The following SMARCB1 variants were observed in gnomAD, a reference collection of about 807,000 sequenced individuals.
SMARCB1 encodes the protein SWI/SNF related BAF chromatin remodeling complex subunit B1.
In SMARCB1, 5 loss-of-function variants were observed where a neutral mutation model predicts 49.0. That is an observed-to-expected ratio of 0.10 (90% confidence interval 0.05 to 0.21). The LOEUF is 0.21. Among genes scored for constraint, SMARCB1 ranks in the 10% least tolerant of loss-of-function variants. SMARCB1 has a pLI of 1.00. For missense variants in SMARCB1, 226 were observed against 509.2 expected (o/e 0.44, Z 5.35); for synonymous variants, 201 against 200.1 (o/e 1.00, Z -0.04).
At chr22:23,818,153 T>G (rs1170730321) in intron 6 of SMARCB1, 5 of 143,474 alleles carry the variant, frequency 3.5e-5, no homozygotes, top group Non-Finnish European at 6.1e-5. Flanking sequence ...TGTGTGTGTG[T>G]GTGTGTGTGT....
rs546610622 is a variant in SMARCB1, at chr22:23,835,082, C to T, written c.*902C>T. ...TGCTGTGGCCTGGGCCAGCTCCTGC[C>T]TTACAAGCCAGCTGTGAGGAATATG... On this transcript the variant is annotated 3_prime_UTR_variant, in exon 9 of 9. Coordinates refer to ENST00000644036, the MANE Select transcript of SMARCB1 (RefSeq NM_003073.5). 2.1e-4 allele frequency: 295 copies of T among 1,399,518 alleles called. 1 individual carries two copies. In the South Asian group the frequency reaches 3.1e-3, roughly 15 times the overall value. 86.7% of individuals were successfully genotyped at this position (1,399,518 alleles called of 1,614,324 possible).
chr22:23,810,417 A>G (rs1929794653), intron 5 of SMARCB1, among the ~76,000 whole-genome samples: 1 of 149,690 alleles, frequency 6.7e-6, no homozygotes, highest in Non-Finnish European at 1.5e-5. Flanking sequence ...AGTCCCAGCT[A>G]CTCAGGAGGC....
In SMARCB1 at chr22:23,787,104, C is replaced by T. The variant is rs1568933101; in HGVS notation, c.-66C>T. 9.5e-7 allele frequency: 1 copy of T among 1,054,554 alleles called. No individual in the cohort carries two copies. The highest frequency in any genetic ancestry group is 1.3e-5 in the South Asian group (1 of 78,192). 65.3% of individuals were successfully genotyped at this position (1,054,554 alleles called of 1,614,324 possible). On this transcript the variant is annotated 5_prime_UTR_variant, in exon 1 of 9. Transcript: ENST00000644036. ...TCGGTTTCCCTCGGCCCAGCACGCC[C>T]CGGCCCCGCCCCAGCCCTCCTGATC...
chr22:23,834,246 C>T lies in SMARCB1; in HGVS notation c.*66C>T, dbSNP rs2030848162. The T allele has an allele frequency of 1.3e-6, 2 of 1,506,406 alleles. No individual in the cohort carries two copies. Among genetic ancestry groups the T allele is most frequent in the Non-Finnish European group, 9.0e-7 (1 of 1,107,154 alleles). The allele number at this position is 1,506,406 out of a possible 1,614,324, so 93.3% of individuals were successfully genotyped here. A position where few individuals can be genotyped will look rare whatever the true frequency, so the allele number is the denominator to read the frequency against. ...GATTGGGCCGCCTCTCCTCCATCTTCTGGCAAGGACAGAGGCGAGGGGACA... is the reference window on the plus strand; with the variant it reads ...GATTGGGCCGCCTCTCCTCCATCTTTTGGCAAGGACAGAGGCGAGGGGACA... On this transcript the variant is annotated 3_prime_UTR_variant, in exon 9 of 9. Transcript: ENST00000644036.
At chr22:23,827,075 A>G (rs2030421603) in intron 7 of SMARCB1, among the ~76,000 whole-genome samples, 1 of 152,202 alleles carries the variant, frequency 6.6e-6, no homozygotes, top group Admixed American at 6.5e-5. Flanking sequence ...TCCCTCCACC[A>G]GAGTTGACTC....
At chr22:23,832,659 C>A (rs1266182205) in intron 7 of SMARCB1, among the ~76,000 whole-genome samples, 1 of 150,684 alleles carries the variant, frequency 6.6e-6, no homozygotes, top group Non-Finnish European at 1.5e-5. Flanking sequence ...AAGCTGCTCT[C>A]AGAGGTGGGG....
intron 7 of SMARCB1, 83 bp from the exon 8 acceptor site, chr22:23,833,489 C>A: frequency 6.3e-7 from 1 of 1,583,460 alleles, no homozygotes; most frequent in Non-Finnish European, 8.7e-7. Flanking sequence ...AGGAGCAGGG[C>A]ACAGACAGGG....
intron 1 of SMARCB1, among the ~76,000 whole-genome samples, chr22:23,789,408 A>G (rs1928231497): frequency 6.6e-6 from 1 of 152,214 alleles, no homozygotes; most frequent in African/African-American, 2.4e-5. Flanking sequence ...TTTGGCTCTA[A>G]GTAGGTGACA....
At chr22:23,798,314 A>G (rs1195028552) in intron 3 of SMARCB1, among the ~76,000 whole-genome samples, 1 of 152,222 alleles carries the variant, frequency 6.6e-6, no homozygotes, top group Non-Finnish European at 1.5e-5. Context: ...CTGTACTCTC[A>G]GCACTTTGGG....
At chr22:23,813,792 G>A (rs1930019262) in intron 5 of SMARCB1, among the ~76,000 whole-genome samples, 1 of 151,960 alleles carries the variant, frequency 6.6e-6, no homozygotes. Flanking sequence ...ATATGGAAAG[G>A]CAAAGAAACT....
chr22:23,834,889 T>TG lies in SMARCB1; in HGVS notation c.*711dup. The stretch of plus-strand genomic sequence containing the variant: ...CCGCCCTGGCTCTGCTGTGTCCAGA[T>TG]GGTCAGGCTACTGCCAGCTGGGGCC... On this transcript the variant is annotated 3_prime_UTR_variant, in exon 9 of 9. Coordinates refer to ENST00000644036, the MANE Select transcript of SMARCB1 (RefSeq NM_003073.5). The TG allele has an allele frequency of 6.2e-7, 1 of 1,612,348 alleles. No individual in the cohort carries two copies. Among genetic ancestry groups the TG allele is most frequent in the Non-Finnish European group, 8.5e-7 (1 of 1,179,748 alleles).
At chr22:23,807,519 G>T (rs1402442017) in intron 5 of SMARCB1, among the ~76,000 whole-genome samples, 3 of 151,840 alleles carry the variant, frequency 2.0e-5, no homozygotes, top group Admixed American at 6.6e-5. Context: ...AGGCTTCAGT[G>T]AGCCGTGATT....
In SMARCB1 at chr22:23,834,737, C is replaced by G; in HGVS notation, c.*557C>G. On this transcript the variant is annotated 3_prime_UTR_variant, in exon 9 of 9. Coordinates refer to ENST00000644036, the MANE Select transcript of SMARCB1 (RefSeq NM_003073.5). ...CCTCAGCCTGTTCTCCTTCCAGACC[C>G]AGAGAGCTGAGAAGAGTAGCTGTGA... 1 of 1,484,006 alleles carries G rather than the reference C, an allele frequency of 6.7e-7. No individual in the cohort carries two copies. Among genetic ancestry groups the G allele is most frequent in the Admixed American group, 2.2e-5 (1 of 45,736 alleles). 91.9% of individuals were successfully genotyped at this position (1,484,006 alleles called of 1,614,324 possible).
In SMARCB1 at chr22:23,821,317, G is replaced by A. The variant is rs143682210; in HGVS notation, c.796-3908G>A. Among the ~76,000 whole-genome samples the A allele has an allele frequency of 1.4e-3, 209 of 152,364 alleles. 2 individuals are homozygous for A. Among genetic ancestry groups the A allele is most frequent in the African/African-American group, 4.4e-3 (181 of 41,586 alleles). On this transcript the variant is annotated intron_variant, in intron 6 of 8. Coordinates refer to ENST00000644036, the MANE Select transcript of SMARCB1 (RefSeq NM_003073.5). ...TCAGGCCAGAGGCCTCCTGGGCACCGTGACCCTGGGAACAGTGTCCTGTCT... is the reference window on the plus strand; with the variant it reads ...TCAGGCCAGAGGCCTCCTGGGCACCATGACCCTGGGAACAGTGTCCTGTCT...
chr22:23,793,249 T>A (rs1052528873), intron 2 of SMARCB1: 10 of 439,388 alleles, frequency 2.3e-5, no homozygotes, highest in African/African-American at 1.4e-4. Flanking sequence ...GAGTCGAGTG[T>A]CCCCGCTGGT....
intron 6 of SMARCB1, among the ~76,000 whole-genome samples, chr22:23,819,010 G>A (rs574872201): frequency 7.2e-5 from 11 of 151,918 alleles, no homozygotes; most frequent in Non-Finnish European, 1.2e-4. Flanking sequence ...CACCACACCC[G>A]ACTGATTTTT....
At chr22:23,791,617 T>C in intron 1 of SMARCB1, 139 bp from the exon 2 acceptor site, 1 of 817,040 alleles carries the variant, frequency 1.2e-6, no homozygotes, top group East Asian at 2.4e-5. Context: ...CAGAATGTGT[T>C]TTAATGCTGC....
chr22:23,803,549 G>A (rs1929307841), intron 5 of SMARCB1, 127 bp downstream of exon 5: 4 of 1,041,958 alleles, frequency 3.8e-6, no homozygotes, highest in African/African-American at 1.6e-5. Flanking sequence ...TCGGGGCATA[G>A]TTTTGGAGGG....
In SMARCB1 at chr22:23,837,671, C is replaced by T. The variant is rs2031193701; in HGVS notation, c.*3491C>T. 6.2e-7 allele frequency: 1 copy of T among 1,613,042 alleles called. No homozygotes were observed. The highest frequency in any genetic ancestry group is 8.5e-7 in the Non-Finnish European group (1 of 1,179,438). ...CCGGGAGGCTCACCCAGCAGGTCCA[C>T]GAGGATGGAGTTGCCCAGCAGCAGC... On this transcript the variant is annotated 3_prime_UTR_variant, in exon 9 of 9. Coordinates refer to ENST00000644036, the MANE Select transcript of SMARCB1 (RefSeq NM_003073.5).
Sources: allele counts gnomAD v4.1 joint callset (sites outside exome capture counted in the v4.1 genomes callset), GRCh38; gene constraint gnomAD v4.1.1; transcripts MANE v1.5; gene names NCBI Gene and HGNC (gene_info 2026-07-23, HGNC 2026-07-21).